The following ABTB3 variants were observed in gnomAD, a reference collection of about 807,000 sequenced individuals.
The protein encoded by ABTB3 is ankyrin repeat and BTB domain containing 3, also known as ankyrin repeat- and BTB/POZ domain-containing protein 3.
the ABTB3 span, among the ~76,000 whole-genome samples, chr12:107,415,923 A>T: frequency 1.3e-5 from 2 of 152,002 alleles, no homozygotes; most frequent in African/African-American, 4.8e-5. Context: ...ACACTCTGAC[A>T]GTCTGAGTCT....
At chr12:107,523,252 G>A in the ABTB3 span, among the ~76,000 whole-genome samples, 4 of 152,148 alleles carry the variant, frequency 2.6e-5, no homozygotes, top group Non-Finnish European at 5.9e-5. Flanking sequence ...AGCCATAGGG[G>A]GCGCTTATGG....
chr12:107,605,931 G>C, the ABTB3 span, among the ~76,000 whole-genome samples: 1 of 152,200 alleles, frequency 6.6e-6, no homozygotes, highest in Non-Finnish European at 1.5e-5. Context: ...GTGGACAGTG[G>C]TGCTGTTTAC....
the ABTB3 span, among the ~76,000 whole-genome samples, chr12:107,366,603 C>A: frequency 6.6e-6 from 1 of 152,112 alleles, no homozygotes; most frequent in East Asian, 1.9e-4. Flanking sequence ...AACTAGCGAC[C>A]AAATTAGTGA....
the ABTB3 span, among the ~76,000 whole-genome samples, chr12:107,597,741 C>T: frequency 2.5e-3 from 378 of 152,316 alleles, 1 homozygote; most frequent in Non-Finnish European, 4.6e-3. Context: ...ATTTCTCTGT[C>T]ATGTAATGTA....
At chr12:107,521,263 TTGTGTG>T in the ABTB3 span, among the ~76,000 whole-genome samples, 6,487 of 142,920 alleles carry the variant, frequency 0.045, 196 homozygotes, top group African/African-American at 0.061. Flanking sequence ...TTCATATAAG[TTGTGTG>T]TGTGTGTGTG....
the ABTB3 span, among the ~76,000 whole-genome samples, chr12:107,524,076 G>T: frequency 5.9e-5 from 9 of 152,362 alleles, no homozygotes; most frequent in Middle Eastern, 3.4e-3. Flanking sequence ...GCCTGCAGGA[G>T]CTGCTTGCCA....
At chr12:107,642,020 A>G in the ABTB3 span, 1 of 1,390,520 alleles carries the variant, frequency 7.2e-7, no homozygotes, top group Non-Finnish European at 1.0e-6. Flanking sequence ...TTGTCAGGAG[A>G]GCAGAGTTTT....
the ABTB3 span, among the ~76,000 whole-genome samples, chr12:107,339,622 G>C: frequency 6.6e-6 from 1 of 152,116 alleles, no homozygotes; most frequent in Non-Finnish European, 1.5e-5. Flanking sequence ...TAAGCAATGG[G>C]AAGTATTTGT....
chr12:107,507,356 G>A, the ABTB3 span, among the ~76,000 whole-genome samples: 1 of 152,178 alleles, frequency 6.6e-6, no homozygotes, highest in African/African-American at 2.4e-5. Flanking sequence ...TCTGAGTCCA[G>A]GAGATCTGAG....
the ABTB3 span, among the ~76,000 whole-genome samples, chr12:107,353,264 G>C: frequency 6.6e-6 from 1 of 152,170 alleles, no homozygotes; most frequent in Non-Finnish European, 1.5e-5. Context: ...TGGTGGGGGG[G>C]AGATATAGAA....
At chr12:107,612,658 T>C in the ABTB3 span, 1 of 1,001,196 alleles carries the variant, frequency 1.0e-6, no homozygotes. Context: ...ACGTTTATTT[T>C]TGTCATGCCG....
At chr12:107,515,220 A>T in the ABTB3 span, among the ~76,000 whole-genome samples, 1 of 152,064 alleles carries the variant, frequency 6.6e-6, no homozygotes, top group African/African-American at 2.4e-5. Flanking sequence ...TCCAAGTCCC[A>T]GTTGCTCAAT....
At chr12:107,445,898 C>CCCCTCTCCCCTGT in the ABTB3 span, among the ~76,000 whole-genome samples, 1 of 140,182 alleles carries the variant, frequency 7.1e-6, no homozygotes, top group South Asian at 2.5e-4. Flanking sequence ...TCTCCCCTCT[C>CCCCTCTCCCCTGT]CCCTCTCCCT....
the ABTB3 span, among the ~76,000 whole-genome samples, chr12:107,483,384 T>A: frequency 6.6e-6 from 1 of 152,132 alleles, no homozygotes; most frequent in African/African-American, 2.4e-5. Context: ...CTGTAGGGAA[T>A]ATTGGGGGAG....
chr12:107,640,063 G>A, the ABTB3 span, among the ~76,000 whole-genome samples: 1 of 152,190 alleles, frequency 6.6e-6, no homozygotes, highest in Non-Finnish European at 1.5e-5. Flanking sequence ...GACTATAGGT[G>A]AGTCTTCTCT....
At chr12:107,528,815 T>A in the ABTB3 span, among the ~76,000 whole-genome samples, 1 of 152,188 alleles carries the variant, frequency 6.6e-6, no homozygotes, top group Non-Finnish European at 1.5e-5. Context: ...ATGGAGATGA[T>A]GACGGTGGTC....
the ABTB3 span, among the ~76,000 whole-genome samples, chr12:107,560,266 A>G: frequency 1.3e-5 from 2 of 152,198 alleles, no homozygotes; most frequent in African/African-American, 4.8e-5. Flanking sequence ...GTGTGACTAA[A>G]ACATCAATGG....
At chr12:107,501,224 A>G in the ABTB3 span, among the ~76,000 whole-genome samples, 1 of 152,256 alleles carries the variant, frequency 6.6e-6, no homozygotes, top group East Asian at 1.9e-4. Flanking sequence ...TCTGGTTTTC[A>G]TCAGTATTAT....
the ABTB3 span, among the ~76,000 whole-genome samples, chr12:107,379,064 G>T: frequency 1.3e-5 from 2 of 152,228 alleles, no homozygotes; most frequent in Non-Finnish European, 2.9e-5. Context: ...CCTGCTGAAT[G>T]ACCTTAGGCA....
Sources: gnomAD v4.1 joint callset for allele counts (sites outside exome capture counted in the v4.1 genomes callset) on GRCh38, gnomAD v4.1.1 for gene constraint, MANE v1.5 for transcripts, NCBI Gene and HGNC (gene_info 2026-07-23, HGNC 2026-07-21) for gene names.